IGSF10: variants seen among roughly 807,000 people sequenced by gnomAD.
IGSF10 encodes calvaria mechanical force protein 608.
IGSF10 carries 126 observed loss-of-function variants against 128.2 expected under a neutral mutation model. That is an observed-to-expected ratio of 0.98 (90% CI 0.85 to 1.14). The LOEUF (loss-of-function observed/expected upper bound fraction) is 1.14, where lower values mean the gene tolerates loss of function less well. Ranked by LOEUF, IGSF10 falls within the 50% of genes most tolerant of loss-of-function variation. IGSF10 has a pLI of 0.00. For synonymous variants in IGSF10, 1,185 were observed against 1,146.2 expected (o/e 1.03, Z -0.68); for missense variants, 3,295 against 3,149.8 (o/e 1.05, Z -1.10).
intron 7 of IGSF10, among the ~76,000 whole-genome samples, chr3:151,441,126 T>G (rs1281987048): frequency 6.6e-6 from 1 of 152,186 alleles, no homozygotes; most frequent in African/African-American, 2.4e-5. Context: ...ATGCTACTGG[T>G]AGGGGGTCTT....
At chr3:151,615,620 C>A in the IGSF10 span, among the ~76,000 whole-genome samples, 1 of 152,010 alleles carries the variant, frequency 6.6e-6, no homozygotes, top group African/African-American at 2.4e-5. Flanking sequence ...ATTTTAAGTA[C>A]GCTCTTTATG....
Position 151,436,748 on chromosome 3 carries a change from A to T in IGSF10, c.7813T>A (p.Cys2605Ser). ...CTACCAAGTGGGTTCTTTGCTGTGC[A>T]TTTGTATATCCCAGAATCGGAGGTT... Reference protein sequence around the residue: ...PQTSDSGIYKCTAKNPLGSDY... With the variant: ...PQTSDSGIYKSTAKNPLGSDY... The change falls in exon 8 of 8, where the codon TGC becomes AGC. Residue 2605 changes from cysteine to serine, a missense_variant. Cys to Ser is a moderately radical substitution (Grantham distance 112). Coordinates refer to ENST00000282466, the MANE Select transcript of IGSF10 (RefSeq NM_178822.5). The T allele has an allele frequency of 1.9e-6, 3 of 1,614,092 alleles. No individual in the cohort carries two copies. The highest frequency in any genetic ancestry group is 2.5e-6 in the Non-Finnish European group (3 of 1,179,980).
chr3:151,538,979 G>C, the IGSF10 span, among the ~76,000 whole-genome samples: 1 of 152,138 alleles, frequency 6.6e-6, no homozygotes, highest in Non-Finnish European at 1.5e-5. Context: ...CATTTGAAGA[G>C]GCACGATAAA....
chr3:151,548,012 T>C, the IGSF10 span, among the ~76,000 whole-genome samples: 1 of 152,206 alleles, frequency 6.6e-6, no homozygotes, highest in African/African-American at 2.4e-5. Context: ...TTTTCTACAA[T>C]GTGACCTTTC....
Position 151,446,284 on chromosome 3 carries a change from C to T in IGSF10, c.3697G>A (p.Val1233Met). Residue 1233 changes from valine (V) to methionine (M), a missense_variant, in exon 6 of 8, where the codon GTG (valine) becomes ATG (methionine). Transcript: ENST00000282466. ...GCAGGAGATGTTTTAGGAAGCATCA[C>T]AGCTGTGCTTTTTTGTAAACTAACT... ...HKVSLQKSTAVMLPKTSPALP... is the reference protein window; with the variant it reads ...HKVSLQKSTAMMLPKTSPALP... The T allele has an allele frequency of 6.2e-7, 1 of 1,614,074 alleles. No homozygotes were observed. The highest frequency in any genetic ancestry group is 1.1e-5 in the South Asian group (1 of 91,072).
At chr3:151,511,779 C>T in the IGSF10 span, among the ~76,000 whole-genome samples, 2 of 151,860 alleles carry the variant, frequency 1.3e-5, no homozygotes, top group Non-Finnish European at 2.9e-5. Context: ...ATCTACCAAG[C>T]AAATGGAAAA....
the IGSF10 span, among the ~76,000 whole-genome samples, chr3:151,501,250 C>T: frequency 5.9e-5 from 9 of 151,756 alleles, no homozygotes; most frequent in South Asian, 2.1e-4. Flanking sequence ...CCCTGTCTTC[C>T]GCACTTTTGT....
At chr3:151,530,753 C>T in the IGSF10 span, among the ~76,000 whole-genome samples, 2 of 152,168 alleles carry the variant, frequency 1.3e-5, no homozygotes, top group Non-Finnish European at 2.9e-5. Flanking sequence ...CTAGCCACTT[C>T]AAAAACATAC....
the IGSF10 span, among the ~76,000 whole-genome samples, chr3:151,532,634 A>C: frequency 6.6e-6 from 1 of 152,200 alleles, no homozygotes; most frequent in Non-Finnish European, 1.5e-5. Context: ...ACAGCGCTTC[A>C]TGCTAAAAAC....
the IGSF10 span, among the ~76,000 whole-genome samples, chr3:151,607,789 T>C: frequency 6.6e-6 from 1 of 151,330 alleles, no homozygotes; most frequent in South Asian, 2.1e-4. Context: ...CAGGCGCCTG[T>C]AGTCCCAGCT....
Position 151,446,232 on chromosome 3 carries a change from A to G in IGSF10, c.3749T>C (p.Phe1250Ser). Residue 1250 changes from phenylalanine (F) to serine (S), a missense_variant, in exon 6 of 8, where the codon TTC (phenylalanine) becomes TCC (serine). Transcript: ENST00000282466. ...PALPRDKVSPFHFTTLSTSVM... is the reference protein window; with the variant it reads ...PALPRDKVSPSHFTTLSTSVM... ...ACTTGTTGAAAGTGTGGTGAAATGG[A>G]AAGGGGAGACTTTGTCTCTGGGTAA... 1 of 1,613,728 alleles carries G rather than the reference A, an allele frequency of 6.2e-7. No individual in the cohort carries two copies. The highest frequency in any genetic ancestry group is 8.5e-7 in the Non-Finnish European group (1 of 1,179,676).
At chr3:151,587,153 C>A in the IGSF10 span, among the ~76,000 whole-genome samples, 1 of 152,130 alleles carries the variant, frequency 6.6e-6, no homozygotes, top group African/African-American at 2.4e-5. Flanking sequence ...AACATCCATG[C>A]AGCCTCTCTA....
the IGSF10 span, among the ~76,000 whole-genome samples, chr3:151,486,730 A>G: frequency 1.3e-5 from 2 of 152,098 alleles, no homozygotes; most frequent in African/African-American, 2.4e-5. Flanking sequence ...TAAAGCAAGA[A>G]GACAAGATTA....
the IGSF10 span, among the ~76,000 whole-genome samples, chr3:151,469,918 G>T: frequency 5.3e-5 from 8 of 152,038 alleles, no homozygotes; most frequent in East Asian, 1.5e-3. Flanking sequence ...AAGATTTCCC[G>T]TAGTCCCAAA....
chr3:151,442,040 G>A (rs1051855496), intron 7 of IGSF10, among the ~76,000 whole-genome samples: 33 of 152,178 alleles, frequency 2.2e-4, no homozygotes, highest in African/African-American at 5.3e-4. Context: ...CAGCCTGGGC[G>A]ACAGTGCGAG....
At chr3:151,575,214 G>T in the IGSF10 span, among the ~76,000 whole-genome samples, 1 of 145,126 alleles carries the variant, frequency 6.9e-6, no homozygotes, top group Non-Finnish European at 1.5e-5. Context: ...ACTTGAGGAG[G>T]CAGTCTGTCC....
At chr3:151,515,045 T>C in the IGSF10 span, among the ~76,000 whole-genome samples, 1 of 152,154 alleles carries the variant, frequency 6.6e-6, no homozygotes, top group South Asian at 2.1e-4. Context: ...TCAACCATTG[T>C]GAAAGTCAGT....
At chr3:151,432,887 A>T, downstream of IGSF10, 1 of 1,017,344 alleles carries the variant, frequency 9.8e-7, no homozygotes, top group South Asian at 1.6e-5. Context: ...CATCTTAAAA[A>T]TGTCCCTTTT....
At chr3:151,561,798 C>T in the IGSF10 span, among the ~76,000 whole-genome samples, 1 of 151,974 alleles carries the variant, frequency 6.6e-6, no homozygotes, top group East Asian at 1.9e-4. Flanking sequence ...ATGTGGAAGG[C>T]AGAGGAGGAG....
Sources: allele counts gnomAD v4.1 joint callset (sites outside exome capture counted in the v4.1 genomes callset), GRCh38; gene constraint gnomAD v4.1.1; transcripts MANE v1.5; gene names NCBI Gene and HGNC (gene_info 2026-07-23, HGNC 2026-07-21).